The following CLSTN1 variants were observed in gnomAD, a reference collection of about 807,000 sequenced individuals.
The protein encoded by CLSTN1 is calsyntenin 1, also known as calsyntenin-1.
Under a neutral mutation model 108.3 loss-of-function variants are expected in CLSTN1, and 28 were observed. The observed-to-expected ratio is 0.26, with a 90% CI of 0.19 to 0.35. CLSTN1 has a LOEUF of 0.35. Ranked by LOEUF, CLSTN1 falls within the 10% of genes least tolerant of loss-of-function variation. CLSTN1 has a pLI of 1.00. For synonymous variants in CLSTN1, 524 were observed against 534.9 expected (o/e 0.98, Z 0.28); for missense variants, 1,157 against 1,302.6 (o/e 0.89, Z 1.72).
intron 2 of CLSTN1, among the ~76,000 whole-genome samples, chr1:9,770,074 C>T (rs1258221746): frequency 6.6e-6 from 1 of 151,160 alleles, no homozygotes; most frequent in African/African-American, 2.4e-5. Flanking sequence ...TGAATTATCT[C>T]CAAAAAAGAA....
chr1:9,803,595 G>A (rs1011161787), intron 1 of CLSTN1, among the ~76,000 whole-genome samples: 2 of 152,144 alleles, frequency 1.3e-5, no homozygotes, highest in Non-Finnish European at 2.9e-5. Flanking sequence ...TTGAAGTCAG[G>A]AGTTCGAGAC....
At chr1:9,775,401 C>A (rs1652887202) in intron 1 of CLSTN1, among the ~76,000 whole-genome samples, 1 of 152,002 alleles carries the variant, frequency 6.6e-6, no homozygotes, top group Admixed American at 6.6e-5. Context: ...GATTGGGACT[C>A]TACCAGAACT....
intron 1 of CLSTN1, among the ~76,000 whole-genome samples, chr1:9,809,573 G>A (rs922066118): frequency 6.6e-6 from 1 of 152,086 alleles, no homozygotes; most frequent in African/African-American, 2.4e-5. Flanking sequence ...TTGAGGTCAG[G>A]AGTTTGAGAC....
chr1:9,806,834 A>G (rs1176923959), intron 1 of CLSTN1, among the ~76,000 whole-genome samples: 1 of 152,136 alleles, frequency 6.6e-6, no homozygotes, highest in Non-Finnish European at 1.5e-5. Context: ...AGCTGAGATC[A>G]CACCACTGCA....
At chr1:9,774,847 T>C (rs897107810) in intron 1 of CLSTN1, among the ~76,000 whole-genome samples, 1 of 152,154 alleles carries the variant, frequency 6.6e-6, no homozygotes, top group African/African-American at 2.4e-5. Context: ...TTTTTATGGT[T>C]ATTTCTTGAT....
chr1:9,804,055 T>C (rs12087408), intron 1 of CLSTN1, among the ~76,000 whole-genome samples: 7,123 of 152,104 alleles, frequency 0.047, 531 homozygotes, highest in African/African-American at 0.16. Flanking sequence ...GTACCTATTC[T>C]TGCCTTTCCC....
intron 1 of CLSTN1, among the ~76,000 whole-genome samples, chr1:9,819,617 C>CT (rs1553184501): frequency 6.6e-6 from 1 of 152,110 alleles, no homozygotes; most frequent in Non-Finnish European, 1.5e-5. Context: ...TGGTTTCATG[C>CT]TTTTTCTCCC....
In CLSTN1 at chr1:9,823,825, G is replaced by T; in HGVS notation, c.-92C>A. On this transcript the variant is annotated 5_prime_UTR_variant, in exon 1 of 19. Coordinates refer to ENST00000377298, the MANE Select transcript of CLSTN1 (RefSeq NM_001009566.3). The surrounding 1 kb of genome is among the most constrained non-coding windows in gnomAD (Gnocchi z 6.3). ...GGGCTCTAGGGGCCTGGGGCTAGCT[G>T]CTCCGCGGCGCGGGGAGCTCCGGGG... is the stretch of plus-strand genomic sequence containing the variant. 1.8e-6 allele frequency: 1 copy of T among 547,160 alleles called. No individual in the cohort carries two copies. The highest frequency in any genetic ancestry group is 2.4e-6 in the Non-Finnish European group (1 of 424,776). 33.9% of individuals were successfully genotyped at this position (547,160 alleles called of 1,614,324 possible). A position where few individuals can be genotyped will look rare whatever the true frequency, so the allele number is the denominator to read the frequency against.
chr1:9,795,957 C>A (rs563975016), intron 1 of CLSTN1, among the ~76,000 whole-genome samples: 2 of 49,508 alleles, frequency 4.0e-5, no homozygotes, highest in Admixed American at 6.3e-4. Flanking sequence ...CCTGTCCCCA[C>A]CTCCAAAAAA....
At chr1:9,765,835 C>T (rs1043973081) in intron 2 of CLSTN1, among the ~76,000 whole-genome samples, 1 of 151,930 alleles carries the variant, frequency 6.6e-6, no homozygotes, top group African/African-American at 2.4e-5. Flanking sequence ...CAAGATCGCG[C>T]CACTGCACTC....
chr1:9,749,758 G>A lies in CLSTN1; in HGVS notation c.799+6C>T. 6.2e-7 allele frequency: 1 copy of A among 1,614,004 alleles called. No individual in the cohort carries two copies. The highest frequency in any genetic ancestry group is 8.5e-7 in the Non-Finnish European group (1 of 1,179,964). On this transcript the variant is annotated splice_donor_region_variant and intron_variant, in intron 6 of 18. Coordinates refer to ENST00000377298, the MANE Select transcript of CLSTN1 (RefSeq NM_001009566.3). The stretch of plus-strand genomic sequence containing the variant: ...ATGTGAGCGCAGGGGAGAGAATGAA[G>A]CTCACCTTGCCACCCAGGGGTGCAG...
intron 9 of CLSTN1, among the ~76,000 whole-genome samples, chr1:9,742,817 A>G (rs1297932047): frequency 6.6e-6 from 1 of 152,020 alleles, no homozygotes; most frequent in East Asian, 1.9e-4. Flanking sequence ...CTGAGGCAGG[A>G]GGATCGCTTG....
chr1:9,779,009 G>A (rs1170228598), intron 1 of CLSTN1, among the ~76,000 whole-genome samples: 34 of 149,552 alleles, frequency 2.3e-4, no homozygotes, highest in Non-Finnish European at 3.4e-4. Flanking sequence ...GGAGAGAAGC[G>A]AGAGACTTCG....
At chr1:9,763,873 G>A (rs958161786) in intron 2 of CLSTN1, among the ~76,000 whole-genome samples, 1 of 152,130 alleles carries the variant, frequency 6.6e-6, no homozygotes, top group Non-Finnish European at 1.5e-5. Context: ...CTCAAGCCCT[G>A]TAAACCACTG....
intron 2 of CLSTN1, among the ~76,000 whole-genome samples, chr1:9,762,091 T>C (rs1652102145): frequency 6.6e-6 from 1 of 152,140 alleles, no homozygotes; most frequent in African/African-American, 2.4e-5. Context: ...CCTGTTCACT[T>C]GGCTAGGGGA....
chr1:9,737,052 A>G (rs1650729417), intron 11 of CLSTN1, among the ~76,000 whole-genome samples: 1 of 152,122 alleles, frequency 6.6e-6, no homozygotes, highest in Non-Finnish European at 1.5e-5. Context: ...CAGCCCAGAC[A>G]ACAGAGCGGG....
intron 1 of CLSTN1, among the ~76,000 whole-genome samples, chr1:9,818,756 G>A (rs1020444168): frequency 1.4e-5 from 2 of 139,554 alleles, no homozygotes; most frequent in Non-Finnish European, 3.1e-5. Flanking sequence ...CACTTATAAA[G>A]ACATATTTCT....
chr1:9,752,893 C>G (rs543008911), intron 4 of CLSTN1, among the ~76,000 whole-genome samples: 32 of 151,838 alleles, frequency 2.1e-4, no homozygotes, highest in African/African-American at 7.5e-4. Context: ...ATAAATAAAA[C>G]AAAAGAAAAA....
At position 9,735,575 on chromosome 1, in the gene CLSTN1, C is replaced by A. The variant is rs1650640696; in HGVS notation, c.1775G>T (p.Gly592Val). The stretch of plus-strand genomic sequence containing the variant: ...CTTATCCAATTCCCCGAGGTCTTCT[C>A]CCTCCAAGGTCAATACCAACTGGCT... ...HPSQLVLTLE[G>V]EDLGELDKAM... is the part of the protein sequence containing the mutation. Residue 592 changes from glycine (G) to valine (V), a missense_variant, in exon 13 of 19, where the codon GGA (glycine) becomes GTA (valine). Transcript: ENST00000377298. 2.5e-6 allele frequency: 4 copies of A among 1,614,010 alleles called. No homozygotes were observed. In the African/African-American group the frequency reaches 5.3e-5, roughly 22 times the overall value.
Sources: allele counts gnomAD v4.1 joint callset (sites outside exome capture counted in the v4.1 genomes callset), GRCh38; gene constraint gnomAD v4.1.1; non-coding constraint Gnocchi (gnomAD v3.1); transcripts MANE v1.5; gene names NCBI Gene and HGNC (gene_info 2026-07-23, HGNC 2026-07-21).